The following IQCH variants were observed in gnomAD, a reference collection of about 807,000 sequenced individuals.
IQCH encodes IQ motif containing H.
A neutral mutation model predicts 117.0 loss-of-function variants in IQCH; 98 were observed. That is an observed-to-expected ratio of 0.84 (90% CI 0.71 to 0.99). The LOEUF is 0.99. IQCH is among the 50% of genes least tolerant of loss of function. The pLI, the probability that IQCH is intolerant of heterozygous loss-of-function variation, is 0.00. For synonymous variants in IQCH, 412 were observed against 448.2 expected, an observed-to-expected ratio of 0.92 and a Z score of 1.02; for missense variants, 1,102 against 1,243.8, an observed-to-expected ratio of 0.89 and a Z score of 1.72.
In IQCH at chr15:67,494,106, C is replaced by T. The variant is rs1173901400; in HGVS notation, c.2862-152C>T. On this transcript the variant is annotated intron_variant, in intron 19 of 20. Transcript: ENST00000335894. This position sits in a 1 kb window ranked among gnomAD's most constrained non-coding sequence, Gnocchi z 5.5. ...TTGTTGACAAGTTAAAATGGAGTCTCATCTTTCATATCTCCCTGAAGATTG... is the reference window on the plus strand; with the variant it reads ...TTGTTGACAAGTTAAAATGGAGTCTTATCTTTCATATCTCCCTGAAGATTG... The T allele has an allele frequency of 7.5e-6, 4 of 533,460 alleles. No individual in the cohort carries two copies. The highest frequency in any genetic ancestry group is 2.9e-4 in the Middle Eastern group (1 of 3,478). 33.0% of individuals were successfully genotyped at this position (533,460 alleles called of 1,614,324 possible).
intron 18 of IQCH, among the ~76,000 whole-genome samples, chr15:67,487,194 G>A (rs1381360253): frequency 3.9e-5 from 6 of 152,048 alleles, no homozygotes; most frequent in Non-Finnish European, 5.9e-5. Flanking sequence ...TTAGCCAGAC[G>A]TGGTGCCATG....
chr15:67,453,918 A>C lies in IQCH; in HGVS notation c.2506-11209A>C, dbSNP rs2082595808. Reference sequence around the variant, plus strand: ...CTTTGTTTACGTAATCAAACAACTAACTCGGCAATGGCGGGCACCCCTCCC... The same window carrying C: ...CTTTGTTTACGTAATCAAACAACTACCTCGGCAATGGCGGGCACCCCTCCC... On this transcript the variant is annotated intron_variant, in intron 16 of 20. Transcript: ENST00000335894. The surrounding 1 kb of genome is among the most constrained non-coding windows in gnomAD (Gnocchi z 5.8). Among the ~76,000 whole-genome samples the C allele has an allele frequency of 1.3e-5, 2 of 152,032 alleles. 1 individual carries two copies. The highest frequency in any genetic ancestry group is 4.1e-4 in the South Asian group (2 of 4,822).
At chr15:67,305,923 G>A (rs913129107) in intron 4 of IQCH, among the ~76,000 whole-genome samples, 3 of 152,010 alleles carry the variant, frequency 2.0e-5, no homozygotes, top group Non-Finnish European at 4.4e-5. Flanking sequence ...CATACTTTGA[G>A]CAAAGAGAAT....
At chr15:67,419,705 C>G (rs889771345) in intron 15 of IQCH, among the ~76,000 whole-genome samples, 16 of 152,134 alleles carry the variant, frequency 1.1e-4, no homozygotes, top group Admixed American at 4.6e-4. Context: ...AGGCGCACAC[C>G]CCCACGCCCA....
At chr15:67,283,747 C>G (rs116891421) in intron 4 of IQCH, among the ~76,000 whole-genome samples, 1 of 152,084 alleles carries the variant, frequency 6.6e-6, no homozygotes, top group East Asian at 1.9e-4. Flanking sequence ...AGATAAAACT[C>G]ATGCCCCAAA....
At chr15:67,283,367 A>G (rs1966440107) in intron 4 of IQCH, among the ~76,000 whole-genome samples, 1 of 152,180 alleles carries the variant, frequency 6.6e-6, no homozygotes, top group South Asian at 2.1e-4. Flanking sequence ...TTTTGCTTTT[A>G]CTGAAACAGA....
intron 20 of IQCH, among the ~76,000 whole-genome samples, chr15:67,499,859 T>C (rs2083932388): frequency 1.3e-5 from 2 of 152,162 alleles, no homozygotes; most frequent in African/African-American, 4.8e-5. Context: ...TAAAAAGCCA[T>C]TCACAAAAGG....
chr15:67,273,159 C>T (rs1454323343), intron 3 of IQCH, among the ~76,000 whole-genome samples: 1 of 152,140 alleles, frequency 6.6e-6, no homozygotes, highest in Non-Finnish European at 1.5e-5. Flanking sequence ...CAACCTCTGC[C>T]TCCCAGGTTC....
In IQCH at chr15:67,423,866, A is replaced by C. The variant is rs74694152; in HGVS notation, c.2505+2289A>C. On this transcript the variant is annotated intron_variant, in intron 16 of 20. Coordinates refer to ENST00000335894, the MANE Select transcript of IQCH (RefSeq NM_001031715.3). Reference sequence around the variant, plus strand: ...CAGATTTCATCTAAAAAAAAAAAAAAAGAAAAGAAAAAAGGAAGAAGGAGA... The same window carrying C: ...CAGATTTCATCTAAAAAAAAAAAAACAGAAAAGAAAAAAGGAAGAAGGAGA... Among the ~76,000 whole-genome samples, 266 of 146,822 alleles carry C rather than the reference A, an allele frequency of 1.8e-3. 2 individuals are homozygous for C. The highest frequency in any genetic ancestry group is 2.6e-3 in the Non-Finnish European group (175 of 66,132).
At chr15:67,347,086 G>A (rs944576537) in intron 6 of IQCH, among the ~76,000 whole-genome samples, 1 of 151,156 alleles carries the variant, frequency 6.6e-6, no homozygotes, top group Non-Finnish European at 1.5e-5. Context: ...AAATATCTCA[G>A]ATTAATGATC....
At chr15:67,338,235 C>CTATT (rs1555455335) in intron 5 of IQCH, among the ~76,000 whole-genome samples, 1,526 of 149,626 alleles carry the variant, frequency 0.01, 23 homozygotes, top group African/African-American at 0.034. Flanking sequence ...ATCTATCTAT[C>CTATT]TATCTATCTA....
rs541151135 is a variant in IQCH, at chr15:67,319,047, G to C, written c.388-17928G>C. On this transcript the variant is annotated intron_variant, in intron 4 of 20. Coordinates refer to ENST00000335894, the MANE Select transcript of IQCH (RefSeq NM_001031715.3). ...TCGAGACCATCCTGGCGAACATGGT[G>C]AAACCCCATCTCTACTAAAAATACA... 1.1e-4 allele frequency among the ~76,000 whole-genome samples: 16 copies of C among 152,280 alleles called. No homozygotes were observed. In the East Asian group the frequency reaches 2.7e-3, roughly 26 times the overall value.
In IQCH at chr15:67,500,511, T is replaced by C. The variant is rs1332948345; in HGVS notation, c.2971-122T>C. 1.6e-5 allele frequency: 7 copies of C among 442,182 alleles called. No homozygotes were observed. The highest frequency in any genetic ancestry group is 4.1e-5 in the Admixed American group (1 of 24,234). The allele number at this position is 442,182 out of a possible 1,614,324, so 27.4% of individuals were successfully genotyped here. A position where few individuals can be genotyped will look rare whatever the true frequency, so the allele number is the denominator to read the frequency against. On this transcript the variant is annotated intron_variant, in intron 20 of 20. Coordinates refer to ENST00000335894, the MANE Select transcript of IQCH (RefSeq NM_001031715.3). The surrounding 1 kb of genome is among the most constrained non-coding windows in gnomAD (Gnocchi z 4.4). ...GCCATAATCTGTAGACAAATGCCAGTTGGTAGAATACATTCTGAATAGAAC... is the reference window on the plus strand; with the variant it reads ...GCCATAATCTGTAGACAAATGCCAGCTGGTAGAATACATTCTGAATAGAAC...
At chr15:67,289,948 T>A (rs1966695498) in intron 4 of IQCH, among the ~76,000 whole-genome samples, 1 of 152,134 alleles carries the variant, frequency 6.6e-6, no homozygotes, top group Non-Finnish European at 1.5e-5. Context: ...CAGTCTAGAT[T>A]CTTCCAAATC....
chr15:67,343,230 A>G (rs1481808176), intron 5 of IQCH, among the ~76,000 whole-genome samples: 2 of 152,174 alleles, frequency 1.3e-5, no homozygotes, highest in Non-Finnish European at 2.9e-5. Flanking sequence ...GATTTTGTTG[A>G]GACCCAGAGC....
chr15:67,360,041 GA>G (rs34407381), intron 8 of IQCH, 156 bp downstream of exon 8: 29,093 of 432,506 alleles, frequency 0.067, 2 homozygotes, highest in South Asian at 0.083. Context: ...ATGGTTTCAG[GA>G]AAAAAAAAAA....
chr15:67,362,869 T>C (rs62016013), intron 8 of IQCH, among the ~76,000 whole-genome samples: 71,465 of 152,144 alleles, frequency 0.47, 17,216 homozygotes, highest in Non-Finnish European at 0.52. Context: ...CTAGATGATA[T>C]CTAGCAGCAG....
At position 67,486,427 on chromosome 15, in the gene IQCH, A is replaced by G. The variant is rs140274323; in HGVS notation, c.2800-3576A>G. Among the ~76,000 whole-genome samples the G allele has an allele frequency of 6.4e-3, 972 of 152,212 alleles. 12 individuals carry two copies. Among genetic ancestry groups the G allele is most frequent in the African/African-American group, 0.022 (918 of 41,528 alleles). On this transcript the variant is annotated intron_variant, in intron 18 of 20. Coordinates refer to ENST00000335894, the MANE Select transcript of IQCH (RefSeq NM_001031715.3). ...AAAGTCTCTGCCAACCAAGCATTCT[A>G]TTCCTAGCAGGAAAAAAAAAATCCA...
intron 18 of IQCH, among the ~76,000 whole-genome samples, chr15:67,478,952 A>G (rs2083278372): frequency 6.6e-6 from 1 of 152,112 alleles, no homozygotes; most frequent in Non-Finnish European, 1.5e-5. Flanking sequence ...GAAAAAAGAA[A>G]AGGCGCAGAT....
Sources: allele counts gnomAD v4.1 joint callset (sites outside exome capture counted in the v4.1 genomes callset), GRCh38; gene constraint gnomAD v4.1.1; non-coding constraint Gnocchi (gnomAD v3.1); transcripts MANE v1.5; gene names NCBI Gene and HGNC (gene_info 2026-07-23, HGNC 2026-07-21).